Variants in KIF26B observed in about 807,000 individuals in gnomAD.
The protein encoded by KIF26B is kinesin-like protein KIF26B.
Under a neutral mutation model 151.2 loss-of-function variants are expected in KIF26B, and 63 were observed. The observed-to-expected ratio is 0.42, with a 90% confidence interval of 0.34 to 0.51. The LOEUF is 0.51. Ranked by LOEUF, KIF26B falls within the 20% of genes least tolerant of loss-of-function variation. The pLI, the probability that KIF26B is intolerant of heterozygous loss-of-function variation, is 0.07. For synonymous variants in KIF26B, 1,357 were observed against 1,262.1 expected (o/e 1.08, Z -1.59); for missense variants, 2,813 against 2,913.6 (o/e 0.97, Z 0.79).
chr1:245,404,464 A>C (rs1459459637), intron 3 of KIF26B, among the ~76,000 whole-genome samples: 1 of 152,178 alleles, frequency 6.6e-6, no homozygotes, highest in Non-Finnish European at 1.5e-5. Context: ...GTTCCGGTTT[A>C]TTAGCTCGGG....
intron 4 of KIF26B, among the ~76,000 whole-genome samples, chr1:245,518,232 A>T (rs1202820876): frequency 6.6e-6 from 1 of 152,152 alleles, no homozygotes; most frequent in Non-Finnish European, 1.5e-5. Context: ...CAGATTCTCA[A>T]AACAGGCAAT....
At chr1:245,390,304 G>A (rs961358196) in intron 3 of KIF26B, among the ~76,000 whole-genome samples, 16 of 151,694 alleles carry the variant, frequency 1.1e-4, no homozygotes, top group African/African-American at 2.7e-4. Flanking sequence ...TGCAACCTCC[G>A]CCTCCCGGGT....
chr1:245,625,956 A>G (rs2043719696), intron 9 of KIF26B, among the ~76,000 whole-genome samples: 1 of 152,170 alleles, frequency 6.6e-6, no homozygotes, highest in Non-Finnish European at 1.5e-5. Flanking sequence ...ATCCAGTTCC[A>G]TCCATTTTGC....
At chr1:245,214,432 G>A (rs1424973106) in intron 2 of KIF26B, among the ~76,000 whole-genome samples, 1 of 152,056 alleles carries the variant, frequency 6.6e-6, no homozygotes, top group Admixed American at 6.5e-5. Context: ...GGAGCATAAA[G>A]AATGTAACAA....
chr1:245,254,264 A>G (rs542450878), intron 2 of KIF26B, among the ~76,000 whole-genome samples: 1 of 152,188 alleles, frequency 6.6e-6, no homozygotes, highest in South Asian at 2.1e-4. Flanking sequence ...TGTCCCATGG[A>G]TAGGGTGGCA....
chr1:245,591,441 A>T (rs2043288112), intron 5 of KIF26B, among the ~76,000 whole-genome samples: 1 of 152,196 alleles, frequency 6.6e-6, no homozygotes, highest in Admixed American at 6.5e-5. Context: ...TACTGTTATT[A>T]TGGCCGATTT....
At chr1:245,343,466 G>A (rs768652524) in intron 2 of KIF26B, among the ~76,000 whole-genome samples, 7 of 151,816 alleles carry the variant, frequency 4.6e-5, no homozygotes, top group Non-Finnish European at 8.8e-5. Flanking sequence ...TCAGGTCTGT[G>A]TTCAAATCAG....
intron 2 of KIF26B, among the ~76,000 whole-genome samples, chr1:245,282,496 T>A (rs558661874): frequency 8.5e-5 from 13 of 152,178 alleles, no homozygotes; most frequent in Non-Finnish European, 1.9e-4. Flanking sequence ...TCCCCACCTG[T>A]TCCTAGCAAC....
Position 245,479,719 on chromosome 1 carries a change from A to T in KIF26B, c.1166+59974A>T, listed in dbSNP as rs534222458. ...CATACAGATTAAGAAGAAGAAATGA[A>T]TAATCTAAAGAAAGAAATAACAACA... On this transcript the variant is annotated intron_variant, in intron 4 of 14. Coordinates refer to ENST00000407071, the MANE Select transcript of KIF26B (RefSeq NM_018012.4). Among the ~76,000 whole-genome samples the T allele has an allele frequency of 2.7e-4, 41 of 152,042 alleles. 1 individual carries two copies. The highest frequency in any genetic ancestry group is 8.2e-4 in the African/African-American group (34 of 41,548).
chr1:245,262,338 G>C (rs1670661415), intron 2 of KIF26B, among the ~76,000 whole-genome samples: 1 of 152,218 alleles, frequency 6.6e-6, no homozygotes, highest in African/African-American at 2.4e-5. Context: ...ACTTTTAAGA[G>C]ACATTGGAAG....
chr1:245,202,838 G>A (rs1211131966), intron 2 of KIF26B, among the ~76,000 whole-genome samples: 1 of 151,632 alleles, frequency 6.6e-6, no homozygotes, highest in Non-Finnish European at 1.5e-5. Context: ...CTACTCAGGA[G>A]GCTGAGGCAT....
intron 5 of KIF26B, among the ~76,000 whole-genome samples, chr1:245,550,244 G>A (rs1661846106): frequency 6.6e-6 from 1 of 152,210 alleles, no homozygotes; most frequent in African/African-American, 2.4e-5. Context: ...AATGCTGGGT[G>A]GATTCGTTAG....
intron 4 of KIF26B, among the ~76,000 whole-genome samples, chr1:245,531,168 T>G (rs1003980063): frequency 6.6e-6 from 1 of 152,254 alleles, no homozygotes; most frequent in Admixed American, 6.5e-5. Flanking sequence ...TAAGTGCTTA[T>G]GTATAATATG....
chr1:245,548,328 C>T (rs751971264), intron 5 of KIF26B, among the ~76,000 whole-genome samples: 28 of 152,164 alleles, frequency 1.8e-4, no homozygotes, highest in South Asian at 6.2e-4. Context: ...CTTGATGGGG[C>T]GCTGAGCACT....
intron 2 of KIF26B, among the ~76,000 whole-genome samples, chr1:245,272,469 G>T (rs1028178692): frequency 7.3e-5 from 11 of 149,892 alleles, no homozygotes; most frequent in African/African-American, 2.0e-4. Flanking sequence ...ATCAAGTCTT[G>T]GTTTGGTTGT....
intron 2 of KIF26B, among the ~76,000 whole-genome samples, chr1:245,195,950 C>A (rs1158065509): frequency 6.6e-6 from 1 of 152,082 alleles, no homozygotes; most frequent in Admixed American, 6.5e-5. Context: ...TTGGTAGGAG[C>A]CAAGGAGAGT....
chr1:245,553,949 A>G (rs1037874614), intron 5 of KIF26B, among the ~76,000 whole-genome samples: 1 of 152,116 alleles, frequency 6.6e-6, no homozygotes, highest in Non-Finnish European at 1.5e-5. Context: ...GAGAGGGAGC[A>G]TTTCTGGAAC....
At chr1:245,168,594 C>T (rs765199704) in intron 2 of KIF26B, among the ~76,000 whole-genome samples, 2 of 152,188 alleles carry the variant, frequency 1.3e-5, no homozygotes, top group Non-Finnish European at 2.9e-5. Flanking sequence ...AAATAACATA[C>T]GAAGAGTTCT....
chr1:245,591,094 G>T (rs1193979427), intron 5 of KIF26B, among the ~76,000 whole-genome samples: 1 of 151,952 alleles, frequency 6.6e-6, no homozygotes, highest in African/African-American at 2.4e-5. Flanking sequence ...CATGGACATG[G>T]GTTCAATATG....
Sources: gnomAD v4.1 joint callset for allele counts (sites outside exome capture counted in the v4.1 genomes callset) on GRCh38, gnomAD v4.1.1 for gene constraint, MANE v1.5 for transcripts, NCBI Gene and HGNC (gene_info 2026-07-23, HGNC 2026-07-21) for gene names.